C19orf33: variants seen among roughly 807,000 people sequenced by gnomAD.
C19orf33 encodes the protein chromosome 19 open reading frame 33.
A neutral mutation model predicts 9.7 loss-of-function variants in C19orf33; 9 were observed. That is an observed-to-expected ratio of 0.93 (90% CI 0.56 to 1.61). The LOEUF (loss-of-function observed/expected upper bound fraction) is 1.61, where lower values mean the gene tolerates loss of function less well. Among genes scored for constraint, C19orf33 ranks in the 40% most tolerant of loss-of-function variants. The probability of loss-of-function intolerance (pLI) is 0.00; values close to 1 mark genes in which losing one functional copy is unlikely to be tolerated. For missense variants in C19orf33, 145 were observed against 137.9 expected (o/e 1.05, Z -0.26); for synonymous variants, 61 against 54.8 (o/e 1.11, Z -0.50).
intron 2 of C19orf33, 50 bp from the exon 3 acceptor site, chr19:38,304,574 T>G (rs781061484): frequency 3.1e-6 from 5 of 1,610,150 alleles, no homozygotes; most frequent in South Asian, 2.2e-5. Context: ...GGCCTCCAAC[T>G]TCAGGGGGCT....
chr19:38,304,906 TGAA>T lies in C19orf33; in HGVS notation c.271_273del (p.Lys91del), dbSNP rs139805446. The T allele has an allele frequency of 0.16, 251,888 of 1,549,840 alleles. 21,061 individuals are homozygous for T. The highest frequency in any genetic ancestry group is 0.24 in the Admixed American group (13,594 of 56,368). ...CCGGGCAAGGCCAAGAAGCCCAAAGTGAAGAAGAAGGAGAAGGGCAAGAAGGAG... is the reference window on the plus strand; with the variant it reads ...CCGGGCAAGGCCAAGAAGCCCAAAGTGAAGAAGGAGAAGGGCAAGAAGGAG... On this transcript the variant is annotated inframe_deletion, in exon 4 of 4. Coordinates refer to ENST00000301246, the MANE Select transcript of C19orf33 (RefSeq NM_033520.3).
Position 38,304,479 on chromosome 19 carries a change from C to A in C19orf33, c.127C>A (p.Pro43Thr), listed in dbSNP as rs1968896104. ...GGGCCGGTCGGAGGCAGGGGCAGGT[C>A]CGGGTCCAAAGGTAAGTCGCCTCAT... ...VQGRSEAGAG[P>T]GPKQGHHSSS... The change falls in exon 2 of 4, where the codon CCG (proline) becomes ACG (threonine). Residue 43 changes from proline to threonine, a missense_variant. Physicochemically the swap from Pro to Thr is conservative, Grantham distance 38. Coordinates refer to ENST00000301246, the MANE Select transcript of C19orf33 (RefSeq NM_033520.3). 1 of 1,555,724 alleles carries A rather than the reference C, an allele frequency of 6.4e-7. No homozygotes were observed. Among genetic ancestry groups the A allele is most frequent in the East Asian group, 2.4e-5 (1 of 41,530 alleles).
In C19orf33 at chr19:38,304,861, C is replaced by T; in HGVS notation, c.218C>T (p.Ser73Phe). 6.2e-7 allele frequency: 1 copy of T among 1,613,712 alleles called. No homozygotes were observed. Among genetic ancestry groups the T allele is most frequent in the Admixed American group, 1.7e-5 (1 of 60,030 alleles). ...GCCCCACAGTCCCACGCTGCTGGCT[C>T]CAAGCAGCACGAGAGCATCCCGGGC... ...DTDVKSHAAG[S>F]KQHESIPGKA... The change falls in exon 4 of 4, where the codon TCC becomes TTC. Residue 73 changes from serine to phenylalanine, a missense_variant. Ser to Phe is a radical substitution (Grantham distance 155, BLOSUM62 -2). Transcript: ENST00000301246.
At position 38,304,886 on chromosome 19, in the gene C19orf33, C is replaced by G. The variant is rs772301397; in HGVS notation, c.243C>G (p.Gly81=). The change falls in exon 4 of 4, where the codon GGC becomes GGG. Residue 81 remains glycine (G), a synonymous_variant. Transcript: ENST00000301246. The part of the protein sequence containing the change: ...AGSKQHESIP[G]KAKKPKVKKK... Reference sequence around the variant, plus strand: ...CCAAGCAGCACGAGAGCATCCCGGGCAAGGCCAAGAAGCCCAAAGTGAAGA... The same window carrying G: ...CCAAGCAGCACGAGAGCATCCCGGGGAAGGCCAAGAAGCCCAAAGTGAAGA... 3 of 1,613,460 alleles carry G rather than the reference C, an allele frequency of 1.9e-6. No individual in the cohort carries two copies. The highest frequency in any genetic ancestry group is 2.5e-6 in the Non-Finnish European group (3 of 1,179,912).
chr19:38,304,847 C>T lies in C19orf33; in HGVS notation c.204C>T (p.Ser68=). 1 of 1,613,738 alleles carries T rather than the reference C, an allele frequency of 6.2e-7. No homozygotes were observed. The highest frequency in any genetic ancestry group is 8.5e-7 in the Non-Finnish European group (1 of 1,179,976). The change falls in exon 4 of 4, where the codon TCC becomes TCT. Residue 68 remains serine, a splice_region_variant and synonymous_variant. Transcript: ENST00000301246. ...CATCCCTGCCCTCGGCCCCACAGTC[C>T]CACGCTGCTGGCTCCAAGCAGCACG... The part of the protein sequence containing the change: ...SSSDSDTDVK[S]HAAGSKQHES...
chr19:38,304,907 GAAGAAGAAGGAGAAGGGC>G lies in C19orf33; in HGVS notation c.271_288del (p.Lys91_Lys96del), dbSNP rs781666590. On this transcript the variant is annotated inframe_deletion, in exon 4 of 4. Coordinates refer to ENST00000301246, the MANE Select transcript of C19orf33 (RefSeq NM_033520.3). ...CGGGCAAGGCCAAGAAGCCCAAAGT[GAAGAAGAAGGAGAAGGGC>G]AAGAAGGAGAAGGGCAAGAAGAAGG... The G allele has an allele frequency of 2.9e-5, 33 of 1,150,068 alleles. No homozygotes were observed. Among genetic ancestry groups the G allele is most frequent in the South Asian group, 2.9e-4 (16 of 55,784 alleles). The allele number at this position is 1,150,068 out of a possible 1,614,324, so 71.2% of individuals were successfully genotyped here. A position where few individuals can be genotyped will look rare whatever the true frequency, so the allele number is the denominator to read the frequency against.
intron 3 of C19orf33, 25 bp from the exon 4 acceptor site, chr19:38,304,820 C>G (rs1968920163): frequency 6.2e-7 from 1 of 1,613,492 alleles, no homozygotes; most frequent in South Asian, 1.1e-5. Context: ...TCTCTTCTCT[C>G]CCATCCCTGC....
rs1218419961 is a variant in C19orf33 at position 38,304,903 on chromosome 19, A to G, written c.260A>G (p.Lys87Arg). ...ATCCCGGGCAAGGCCAAGAAGCCCA[A>G]AGTGAAGAAGAAGGAGAAGGGCAAG... ...ESIPGKAKKPKVKKKEKGKKE... is the reference protein window; with the variant it reads ...ESIPGKAKKPRVKKKEKGKKE... Residue 87 changes from lysine (K) to arginine (R), a missense_variant, in exon 4 of 4, where the codon AAA becomes AGA. Coordinates refer to ENST00000301246, the MANE Select transcript of C19orf33 (RefSeq NM_033520.3). 1 of 1,608,602 alleles carries G rather than the reference A, an allele frequency of 6.2e-7. No individual in the cohort carries two copies. The highest frequency in any genetic ancestry group is 2.2e-5 in the East Asian group (1 of 44,700).
In C19orf33 at chr19:38,304,445, C is replaced by G; in HGVS notation, c.93C>G (p.His31Gln). The G allele has an allele frequency of 6.4e-7, 1 of 1,559,076 alleles. No individual in the cohort carries two copies. ...GHGGDPKLSP[H>Q]KVQGRSEAGA... ...GGGGAGATCCCAAGCTCAGTCCCCA[C>G]AAAGTTCAGGGCCGGTCGGAGGCAG... The change falls in exon 2 of 4, where the codon CAC becomes CAG. Residue 31 changes from histidine to glutamine, a missense_variant. By Grantham distance (24) the His-to-Gln change is conservative. Coordinates refer to ENST00000301246, the MANE Select transcript of C19orf33 (RefSeq NM_033520.3).
intron 1 of C19orf33, 24 bp from the exon 2 acceptor site, chr19:38,304,351 C>T (rs747350011): frequency 2.7e-5 from 43 of 1,606,356 alleles, no homozygotes; most frequent in Non-Finnish European, 3.1e-5. Flanking sequence ...CTGCCTGCAC[C>T]AACCACCCAA....
rs1211797297 is a variant in C19orf33, at chr19:38,304,626, A to G, written c.141A>G (p.Gln47=). Residue 47 remains glutamine, a splice_region_variant and synonymous_variant, in exon 3 of 4, where the codon CAA becomes CAG. Coordinates refer to ENST00000301246, the MANE Select transcript of C19orf33 (RefSeq NM_033520.3). ...CTCACTGCCGCACCTCCATCCAGCA[A>G]GGACACCACAGCTCTTCCGACTCCA... ...SEAGAGPGPK[Q]GHHSSSDSSS... is the part of the protein sequence containing the mutation. 1.2e-6 allele frequency: 2 copies of G among 1,613,404 alleles called. No individual in the cohort carries two copies. Among genetic ancestry groups the G allele is most frequent in the Non-Finnish European group, 1.7e-6 (2 of 1,179,982 alleles).
chr19:38,304,913 G>T lies in C19orf33; in HGVS notation c.270G>T (p.Lys90Asn), dbSNP rs760502279. 6.2e-7 allele frequency: 1 copy of T among 1,612,610 alleles called. No individual in the cohort carries two copies. ...PGKAKKPKVK[K>N]KEKGKKEKGK... ...AGGCCAAGAAGCCCAAAGTGAAGAA[G>T]AAGGAGAAGGGCAAGAAGGAGAAGG... The change falls in exon 4 of 4, where the codon AAG (lysine) becomes AAT (asparagine). Residue 90 changes from lysine (K) to asparagine (N), a missense_variant. By Grantham distance (94) the Lys-to-Asn change is moderately conservative. Transcript: ENST00000301246.
intron 2 of C19orf33, 43 bp downstream of exon 2, chr19:38,304,533 G>C (rs1473046945): frequency 5.1e-6 from 8 of 1,576,978 alleles, no homozygotes; most frequent in Middle Eastern, 1.7e-4. Context: ...GGGAAGGCTG[G>C]GGTTGCCCCT....
In C19orf33 at chr19:38,304,301, G is replaced by A. The variant is rs1258089346; in HGVS notation, c.22+18G>A. ...GGGAGCAGGTGAGCTCCTGGGGAGT[G>A]TGGACTGGAGGTGCAGGGGGCCGGA... On this transcript the variant is annotated intron_variant, in intron 1 of 3. Transcript: ENST00000301246. 1.9e-6 allele frequency: 3 copies of A among 1,613,736 alleles called. No homozygotes were observed. In the South Asian group the frequency reaches 3.3e-5, roughly 18 times the overall value.
In C19orf33 at chr19:38,304,841, A is replaced by C. The variant is rs1968921855; in HGVS notation, c.202-4A>C. 3 of 1,613,454 alleles carry C rather than the reference A, an allele frequency of 1.9e-6. No individual in the cohort carries two copies. The highest frequency in any genetic ancestry group is 2.5e-6 in the Non-Finnish European group (3 of 1,179,958). ...CTCTCCCATCCCTGCCCTCGGCCCC[A>C]CAGTCCCACGCTGCTGGCTCCAAGC... On this transcript the variant is annotated splice_region_variant and splice_polypyrimidine_tract_variant and intron_variant, in intron 3 of 3. Coordinates refer to ENST00000301246, the MANE Select transcript of C19orf33 (RefSeq NM_033520.3).
rs746268586 is a variant in C19orf33 at position 38,304,877 on chromosome 19, C to T, written c.234C>T (p.Ser78=). 2.5e-6 allele frequency: 4 copies of T among 1,613,672 alleles called. No homozygotes were observed. The South Asian group carries it at 4.4e-5, about 18-fold the overall frequency. ...SHAAGSKQHE[S]IPGKAKKPKV... The stretch of plus-strand genomic sequence containing the variant: ...CTGCTGGCTCCAAGCAGCACGAGAG[C>T]ATCCCGGGCAAGGCCAAGAAGCCCA... Residue 78 remains serine (S), a synonymous_variant, in exon 4 of 4, where the codon AGC becomes AGT. Transcript: ENST00000301246.
In C19orf33 at chr19:38,304,510, G is replaced by T; in HGVS notation, c.138+20G>T. The stretch of plus-strand genomic sequence containing the variant: ...CCAAAGGTAAGTCGCCTCATCACCG[G>T]CTGCGGAGGGGCGGGAAGGCTGGGG... On this transcript the variant is annotated intron_variant, in intron 2 of 3. Coordinates refer to ENST00000301246, the MANE Select transcript of C19orf33 (RefSeq NM_033520.3). The T allele has an allele frequency of 1.9e-6, 3 of 1,563,082 alleles. No homozygotes were observed. The highest frequency in any genetic ancestry group is 1.7e-6 in the Non-Finnish European group (2 of 1,153,878).
intron 3 of C19orf33, 23 bp from the exon 4 acceptor site, chr19:38,304,822 C>T (rs1400373609): frequency 1.8e-5 from 29 of 1,613,664 alleles, no homozygotes; most frequent in Non-Finnish European, 2.4e-5. Flanking sequence ...TCTTCTCTCC[C>T]ATCCCTGCCC....
rs750229188 is a variant in C19orf33 at position 38,304,847 on chromosome 19, C to A, written c.204C>A (p.Ser68=). ...CATCCCTGCCCTCGGCCCCACAGTC[C>A]CACGCTGCTGGCTCCAAGCAGCACG... ...SSSDSDTDVK[S]HAAGSKQHES... is the part of the protein sequence containing the mutation. Residue 68 remains serine, a splice_region_variant and synonymous_variant, in exon 4 of 4, where the codon TCC becomes TCA. Transcript: ENST00000301246. The A allele has an allele frequency of 2.7e-5, 44 of 1,613,620 alleles. No individual in the cohort carries two copies. The highest frequency in any genetic ancestry group is 3.3e-4 in the Middle Eastern group (2 of 6,058).
Sources: gnomAD v4.1 joint callset for allele counts on GRCh38, gnomAD v4.1.1 for gene constraint, MANE v1.5 for transcripts, NCBI Gene and HGNC (gene_info 2026-07-23, HGNC 2026-07-21) for gene names.